Variants in SGCZ observed in about 807,000 individuals in gnomAD.
The protein encoded by SGCZ is sarcoglycan zeta.
In SGCZ, 40 loss-of-function variants were observed where a neutral mutation model predicts 41.3. The observed-to-expected ratio is 0.97, with a 90% confidence interval of 0.75 to 1.26. The LOEUF (loss-of-function observed/expected upper bound fraction) is 1.26. Ranked by LOEUF, SGCZ falls within the 50% of genes most tolerant of loss-of-function variation. The pLI is 0.00. For synonymous variants in SGCZ, 206 were observed against 137.5 expected, an observed-to-expected ratio of 1.50 and a Z score of -3.49; for missense variants, 552 against 369.8, an observed-to-expected ratio of 1.49 and a Z score of -4.04.
intron 1 of SGCZ, among the ~76,000 whole-genome samples, chr8:14,623,204 A>G (rs1300905382): frequency 6.6e-6 from 1 of 152,228 alleles, no homozygotes; most frequent in Non-Finnish European, 1.5e-5. Context: ...CAAGATGAAT[A>G]TAACACCAAT....
At chr8:15,202,868 C>T (rs1585669838) in intron 1 of SGCZ, among the ~76,000 whole-genome samples, 2 of 151,946 alleles carry the variant, frequency 1.3e-5, no homozygotes, top group African/African-American at 2.4e-5. Flanking sequence ...CCCAGAACGT[C>T]GGGAATCCAA....
intron 2 of SGCZ, among the ~76,000 whole-genome samples, chr8:14,477,622 C>A (rs1801398321): frequency 6.6e-6 from 1 of 152,138 alleles, no homozygotes. Context: ...ATAAATGGCT[C>A]TATTTAGCTA....
In SGCZ at chr8:15,097,798, G is replaced by A. The variant is rs1194919305; in HGVS notation, c.39+139787C>T. ...TATATATACGTGTATATATATATAC[G>A]TGTATATATATATATACGTGTGTGT... On this transcript the variant is annotated intron_variant, in intron 1 of 7. Transcript: ENST00000382080. Among the ~76,000 whole-genome samples, 147 of 116,504 alleles carry A rather than the reference G, an allele frequency of 1.3e-3. 1 individual carries two copies. The highest frequency in any genetic ancestry group is 3.5e-3 in the Admixed American group (42 of 11,982). 76.4% of individuals were successfully genotyped at this position (116,504 alleles called of 152,430 possible).
chr8:14,919,395 C>G (rs775488131), intron 1 of SGCZ, among the ~76,000 whole-genome samples: 4 of 152,042 alleles, frequency 2.6e-5, no homozygotes, highest in Admixed American at 2.6e-4. Context: ...GAGCCGAGAT[C>G]GCACCACTGC....
chr8:14,796,929 G>A (rs1052788991), intron 1 of SGCZ, among the ~76,000 whole-genome samples: 35 of 152,150 alleles, frequency 2.3e-4, no homozygotes, highest in Non-Finnish European at 1.6e-4. Context: ...CCTGCCACCC[G>A]ATGAAGAGGT....
chr8:14,872,197 T>C (rs897473512), intron 1 of SGCZ, among the ~76,000 whole-genome samples: 1 of 152,014 alleles, frequency 6.6e-6, no homozygotes, highest in Non-Finnish European at 1.5e-5. Context: ...AGGGATAGCA[T>C]TAGGAGAAAT....
intron 1 of SGCZ, among the ~76,000 whole-genome samples, chr8:14,704,903 A>G (rs7009140): frequency 0.41 from 61,491 of 151,808 alleles, 15,121 homozygotes; most frequent in Non-Finnish European, 0.56. Flanking sequence ...AAGCACTATA[A>G]GAATCGATGC....
intron 4 of SGCZ, among the ~76,000 whole-genome samples, chr8:14,226,068 G>C (rs1208722207): frequency 6.6e-6 from 1 of 151,998 alleles, no homozygotes; most frequent in Non-Finnish European, 1.5e-5. Context: ...TATTTGGGGG[G>C]CTACCATGTG....
At chr8:14,955,673 T>A (rs1172632209) in intron 1 of SGCZ, among the ~76,000 whole-genome samples, 1 of 152,252 alleles carries the variant, frequency 6.6e-6, no homozygotes, top group Non-Finnish European at 1.5e-5. Flanking sequence ...TTAATTGACA[T>A]GTAGATTTTC....
chr8:14,171,860 G>A (rs118186967), intron 4 of SGCZ, among the ~76,000 whole-genome samples: 2,384 of 152,086 alleles, frequency 0.016, 24 homozygotes, highest in Non-Finnish European at 0.024. Context: ...TCATTTAGTG[G>A]AAACATGCTT....
chr8:14,656,075 GT>G (rs1452794849), intron 1 of SGCZ, among the ~76,000 whole-genome samples: 2 of 152,022 alleles, frequency 1.3e-5, no homozygotes, highest in African/African-American at 2.4e-5. Context: ...TTGTGTACAG[GT>G]TTTATATGAA....
At chr8:15,177,197 A>C (rs1282276842) in intron 1 of SGCZ, among the ~76,000 whole-genome samples, 1 of 152,212 alleles carries the variant, frequency 6.6e-6, no homozygotes, top group Non-Finnish European at 1.5e-5. Flanking sequence ...AAGACAGAAT[A>C]GCGAACATGC....
intron 1 of SGCZ, among the ~76,000 whole-genome samples, chr8:15,062,817 T>A (rs2131013710): frequency 6.6e-6 from 1 of 152,278 alleles, no homozygotes; most frequent in African/African-American, 2.4e-5. Context: ...TATCACTACA[T>A]ATGATTAATC....
intron 1 of SGCZ, among the ~76,000 whole-genome samples, chr8:15,151,069 C>A (rs1035593063): frequency 2.6e-5 from 4 of 152,242 alleles, no homozygotes; most frequent in African/African-American, 9.6e-5. Context: ...CACACAGACA[C>A]ACATACACAC....
intron 1 of SGCZ, among the ~76,000 whole-genome samples, chr8:14,871,125 T>C (rs1337796513): frequency 6.6e-6 from 1 of 151,752 alleles, no homozygotes; most frequent in Non-Finnish European, 1.5e-5. Context: ...AAGAATCACT[T>C]GAACCCAAGA....
At chr8:15,214,477 G>C (rs1164356125) in intron 1 of SGCZ, among the ~76,000 whole-genome samples, 3 of 151,878 alleles carry the variant, frequency 2.0e-5, no homozygotes, top group African/African-American at 7.3e-5. Context: ...ACTTTAATGT[G>C]TCTATGCATA....
intron 1 of SGCZ, among the ~76,000 whole-genome samples, chr8:14,829,327 AACGTCAATT>A (rs1247912422): frequency 7.1e-6 from 1 of 140,646 alleles, no homozygotes; most frequent in African/African-American, 3.0e-5. Flanking sequence ...AATTCCCAGA[AACGTCAATT>A]CTTCAGGGAT....
At chr8:14,891,408 G>A (rs958269836) in intron 1 of SGCZ, among the ~76,000 whole-genome samples, 1 of 152,236 alleles carries the variant, frequency 6.6e-6, no homozygotes, top group African/African-American at 2.4e-5. Flanking sequence ...AGTCACTGCA[G>A]AGGAGGTAGA....
chr8:15,110,637 G>C (rs1807011727), intron 1 of SGCZ, among the ~76,000 whole-genome samples: 1 of 152,158 alleles, frequency 6.6e-6, no homozygotes, highest in Non-Finnish European at 1.5e-5. Flanking sequence ...GGCAGAGTGG[G>C]CAGAGCAGTA....
Sources: gnomAD v4.1 joint callset for allele counts (sites outside exome capture counted in the v4.1 genomes callset) on GRCh38, gnomAD v4.1.1 for gene constraint, MANE v1.5 for transcripts, NCBI Gene and HGNC (gene_info 2026-07-23, HGNC 2026-07-21) for gene names.